PARD3: variants seen among roughly 807,000 people sequenced by gnomAD.
PARD3 encodes the protein partitioning defective 3 homolog.
A neutral mutation model predicts 155.4 loss-of-function variants in PARD3; 75 were observed. The observed-to-expected ratio is 0.48, with a 90% CI of 0.40 to 0.58. The LOEUF is 0.58. Ranked by LOEUF, PARD3 falls within the 20% of genes least tolerant of loss-of-function variation. The pLI, the probability that PARD3 is intolerant of heterozygous loss-of-function variation, is 0.00. For synonymous variants in PARD3, 576 were observed against 610.5 expected (o/e 0.94, Z 0.83); for missense variants, 1,642 against 1,721.7 (o/e 0.95, Z 0.82).
intron 22 of PARD3, among the ~76,000 whole-genome samples, chr10:34,212,061 T>C (rs887948866): frequency 3.3e-5 from 5 of 151,972 alleles, no homozygotes; most frequent in African/African-American, 1.2e-4. Context: ...TTCTGCTCTA[T>C]TTTGCTTCCA....
rs2090358535 is a variant in PARD3 at position 34,605,948 on chromosome 10, C to CCTATATATATCTCTCCTA, written c.223-88790_223-88789insTAGGAGAGATATATATAG. ...TATATCTCCTATATATATATATCTCCTATATATATATATCTCCTATATCTA... is the reference window on the plus strand; with the variant it reads ...TATATCTCCTATATATATATATCTCCCTATATATATCTCTCCTATATATATATATATCTCCTATATCTA... On this transcript the variant is annotated intron_variant, in intron 2 of 24. Coordinates refer to ENST00000374788, the MANE Select transcript of PARD3 (RefSeq NM_001184785.2). Among the ~76,000 whole-genome samples, 2 of 84,042 alleles carry CCTATATATATCTCTCCTA rather than the reference C, an allele frequency of 2.4e-5. 1 individual carries two copies. The highest frequency in any genetic ancestry group is 1.2e-4 in the African/African-American group (2 of 16,528). 55.1% of individuals were successfully genotyped at this position (84,042 alleles called of 152,430 possible).
intron 1 of PARD3, among the ~76,000 whole-genome samples, chr10:34,776,815 T>C (rs1284166257): frequency 8.1e-6 from 1 of 123,414 alleles, no homozygotes; most frequent in Non-Finnish European, 1.7e-5. Flanking sequence ...TTTCCAAGTA[T>C]TTTCAGTCGT....
At chr10:34,767,801 A>G (rs995482734) in intron 1 of PARD3, among the ~76,000 whole-genome samples, 1 of 151,950 alleles carries the variant, frequency 6.6e-6, no homozygotes. Context: ...GTAAAATACA[A>G]AAATATTGTC....
At chr10:34,226,100 T>A (rs951432996) in intron 22 of PARD3, among the ~76,000 whole-genome samples, 2 of 152,092 alleles carry the variant, frequency 1.3e-5, no homozygotes, top group Non-Finnish European at 2.9e-5. Context: ...AGATAAGCAA[T>A]CTTATAAAAA....
intron 2 of PARD3, among the ~76,000 whole-genome samples, chr10:34,542,234 T>TGTGTGTGTGTGTGTGTGTGTGTGTGCAC (rs143582528): frequency 6.8e-6 from 1 of 146,198 alleles, no homozygotes; most frequent in Non-Finnish European, 1.5e-5. Flanking sequence ...TGTGTGTGTG[T>TGTGTGTGTGTGTGTGTGTGTGTGTGCAC]GTGTGCACAC....
chr10:34,308,090 G>A (rs1957502684), intron 20 of PARD3, among the ~76,000 whole-genome samples: 1 of 151,252 alleles, frequency 6.6e-6, no homozygotes, highest in Non-Finnish European at 1.5e-5. Flanking sequence ...AAGGGAAAAG[G>A]CTCTAGTGGA....
intron 22 of PARD3, among the ~76,000 whole-genome samples, chr10:34,141,937 A>G (rs1283109684): frequency 1.3e-5 from 2 of 152,252 alleles, no homozygotes; most frequent in East Asian, 3.8e-4. Context: ...CTGAAAACTC[A>G]GCACTAAAGT....
chr10:34,407,036 C>T (rs1424927632), intron 5 of PARD3, among the ~76,000 whole-genome samples: 1 of 152,092 alleles, frequency 6.6e-6, no homozygotes, highest in Non-Finnish European at 1.5e-5. Flanking sequence ...ATGTCAGTAA[C>T]TGGTAATCAG....
chr10:34,504,783 A>G (rs1168440422), intron 3 of PARD3, among the ~76,000 whole-genome samples: 1 of 152,216 alleles, frequency 6.6e-6, no homozygotes, highest in Non-Finnish European at 1.5e-5. Flanking sequence ...AGCTGGGTAG[A>G]GGAGCCAGGC....
Position 34,433,207 on chromosome 10 carries a change from G to A in PARD3, c.714+17110C>T, listed in dbSNP as rs1052678303. Among the ~76,000 whole-genome samples the A allele has an allele frequency of 2.0e-5, 3 of 152,206 alleles. No individual in the cohort carries two copies. The South Asian group carries it at 6.2e-4, about 32-fold the overall frequency. On this transcript the variant is annotated intron_variant, in intron 5 of 24. Transcript: ENST00000374788. ...ACAGTTAACTGTTCTGTAATAATGT[G>A]TAATCTAACATAACTTACTCCCAAG...
chr10:34,810,759 G>A (rs1296261681), intron 1 of PARD3, among the ~76,000 whole-genome samples: 1 of 152,154 alleles, frequency 6.6e-6, no homozygotes, highest in Non-Finnish European at 1.5e-5. Flanking sequence ...TCATCTTTAC[G>A]GAGCAGCTAG....
At chr10:34,117,853 G>A (rs768443040) in intron 24 of PARD3, among the ~76,000 whole-genome samples, 2 of 152,220 alleles carry the variant, frequency 1.3e-5, no homozygotes, top group Non-Finnish European at 2.9e-5. Context: ...GGAGGTTGCA[G>A]TGAGCCAAGG....
At chr10:34,554,419 G>C (rs1368233140) in intron 2 of PARD3, among the ~76,000 whole-genome samples, 1 of 152,190 alleles carries the variant, frequency 6.6e-6, no homozygotes, top group Non-Finnish European at 1.5e-5. Context: ...TTAAGAATGT[G>C]AAAGATTCTG....
At chr10:34,641,057 A>G (rs888639392) in intron 2 of PARD3, among the ~76,000 whole-genome samples, 1 of 152,210 alleles carries the variant, frequency 6.6e-6, no homozygotes, top group African/African-American at 2.4e-5. Context: ...AAACATTTAC[A>G]ATTTCCAGAA....
intron 22 of PARD3, among the ~76,000 whole-genome samples, chr10:34,254,277 G>A (rs941132055): frequency 6.6e-5 from 10 of 152,098 alleles, no homozygotes; most frequent in South Asian, 4.1e-4. Flanking sequence ...TACTCAGGAG[G>A]CTGAGGCAGA....
At chr10:34,332,642 A>G (rs1452932829) in intron 18 of PARD3, among the ~76,000 whole-genome samples, 1 of 152,234 alleles carries the variant, frequency 6.6e-6, no homozygotes, top group Non-Finnish European at 1.5e-5. Context: ...AAGAATAGAT[A>G]TGTTTAAAAT....
intron 10 of PARD3, among the ~76,000 whole-genome samples, chr10:34,375,347 T>C (rs912760002): frequency 3.9e-5 from 6 of 152,202 alleles, no homozygotes; most frequent in Admixed American, 3.9e-4. Flanking sequence ...AGAACAGAGA[T>C]ATTTTGATAG....
In PARD3 at chr10:34,515,629, T is replaced by C. The variant is rs534265924; in HGVS notation, c.403+1350A>G. On this transcript the variant is annotated intron_variant, in intron 3 of 24. Transcript: ENST00000374788. Reference sequence around the variant, plus strand: ...AACAGATCTCTAACTGTTAAACTGCTCTTCTTTCCTTGTTCTCTTTATATA... The same window carrying C: ...AACAGATCTCTAACTGTTAAACTGCCCTTCTTTCCTTGTTCTCTTTATATA... 6.6e-5 allele frequency among the ~76,000 whole-genome samples: 10 copies of C among 152,326 alleles called. No homozygotes were observed. The South Asian group carries it at 1.5e-3, about 22-fold the overall frequency.
At chr10:34,473,228 T>C (rs979086565) in intron 3 of PARD3, among the ~76,000 whole-genome samples, 25 of 152,156 alleles carry the variant, frequency 1.6e-4, no homozygotes, top group Admixed American at 1.6e-3. Context: ...ATTTATAAAA[T>C]AAATTAAAAT....
Sources: allele counts gnomAD v4.1 joint callset (sites outside exome capture counted in the v4.1 genomes callset), GRCh38; gene constraint gnomAD v4.1.1; transcripts MANE v1.5; gene names NCBI Gene and HGNC (gene_info 2026-07-23, HGNC 2026-07-21).